Variants in CEP164 observed in about 807,000 individuals in gnomAD.
The protein encoded by CEP164 is centrosomal protein 164.
Under a neutral mutation model 182.7 loss-of-function variants are expected in CEP164, and 162 were observed. That is an observed-to-expected ratio of 0.89 (90% CI 0.78 to 1.01). CEP164 has a LOEUF of 1.01. Ranked by LOEUF, CEP164 falls within the 50% of genes least tolerant of loss-of-function variation. The pLI, the probability that CEP164 is intolerant of heterozygous loss-of-function variation, is 0.00. For missense variants in CEP164, 1,735 were observed against 1,790.4 expected (o/e 0.97, Z 0.56); for synonymous variants, 661 against 690.0 (o/e 0.96, Z 0.66).
intron 1 of CEP164, among the ~76,000 whole-genome samples, chr11:117,330,972 T>C (rs2036111712): frequency 6.6e-6 from 1 of 152,218 alleles, no homozygotes; most frequent in Non-Finnish European, 1.5e-5. Context: ...AAGCTTTTGC[T>C]CATTACCACT....
chr11:117,403,913 C>T (rs1265064437), intron 27 of CEP164, among the ~76,000 whole-genome samples: 1 of 151,846 alleles, frequency 6.6e-6, no homozygotes, highest in African/African-American at 2.4e-5. Context: ...AATCTTCAAT[C>T]TCTGATATCC....
At chr11:117,396,942 C>T in intron 26 of CEP164, 149 bp from the exon 27 acceptor site, 1 of 718,332 alleles carries the variant, frequency 1.4e-6, no homozygotes, top group Non-Finnish European at 2.3e-6. Flanking sequence ...GGGTATTGAA[C>T]AGTGGCATCC....
chr11:117,392,993 C>A lies in CEP164; in HGVS notation c.2494-11C>A. The A allele has an allele frequency of 6.2e-7, 1 of 1,612,632 alleles. No homozygotes were observed. Among genetic ancestry groups the A allele is most frequent in the South Asian group, 1.1e-5 (1 of 90,962 alleles). ...GTTCTTCATGCCACATCCCTGCCAT[C>A]TCCCCTGCAGCTCAGCAGTCTCCTG... On this transcript the variant is annotated splice_polypyrimidine_tract_variant and intron_variant, in intron 19 of 32. Transcript: ENST00000278935.
chr11:117,408,634 T>G, intron 28 of CEP164: 6 of 466,868 alleles, frequency 1.3e-5, no homozygotes, highest in Admixed American at 3.4e-5. Context: ...CCCAGAGGAG[T>G]CTACTCACCA....
intron 5 of CEP164, chr11:117,356,642 T>C (rs1265629874): frequency 1.6e-6 from 2 of 1,264,432 alleles, no homozygotes; most frequent in Admixed American, 2.5e-5. Context: ...GAGCATGGCC[T>C]AAAGGCCTAA....
upstream of CEP164, among the ~76,000 whole-genome samples, chr11:117,327,034 G>A (rs973270233): frequency 1.3e-5 from 2 of 152,238 alleles, no homozygotes; most frequent in Admixed American, 6.5e-5. Flanking sequence ...GTGTGGAGGA[G>A]CTACACATTG....
At position 117,411,042 on chromosome 11, in the gene CEP164, C is replaced by G; in HGVS notation, c.4163+148C>G. The G allele has an allele frequency of 1.4e-6, 1 of 697,414 alleles. No individual in the cohort carries two copies. The highest frequency in any genetic ancestry group is 2.4e-6 in the Non-Finnish European group (1 of 409,432). The allele number at this position is 697,414 out of a possible 1,614,324, so 43.2% of individuals were successfully genotyped here. A position where few individuals can be genotyped will look rare whatever the true frequency, so the allele number is the denominator to read the frequency against. ...GGCCTCTAGTCCACAGAGCTGTCCCCGCTTGCCTGGGTCTGAGGCGCCCCT... is the reference window on the plus strand; with the variant it reads ...GGCCTCTAGTCCACAGAGCTGTCCCGGCTTGCCTGGGTCTGAGGCGCCCCT... On this transcript the variant is annotated intron_variant, in intron 31 of 32. Coordinates refer to ENST00000278935, the MANE Select transcript of CEP164 (RefSeq NM_014956.5). The surrounding 1 kb of genome is among the most constrained non-coding windows in gnomAD (Gnocchi z 4.4).
intron 4 of CEP164, among the ~76,000 whole-genome samples, chr11:117,348,288 T>A (rs1002549996): frequency 6.6e-6 from 1 of 152,118 alleles, no homozygotes; most frequent in Non-Finnish European, 1.5e-5. Flanking sequence ...TATTATCAAT[T>A]AAAAAATTGT....
chr11:117,396,209 G>A, intron 25 of CEP164, 29 bp downstream of exon 25: 3 of 1,588,230 alleles, frequency 1.9e-6, no homozygotes, highest in Non-Finnish European at 2.6e-6. Flanking sequence ...CCTGGGGGCT[G>A]GGGCACCAGG....
rs56699807 is a variant in CEP164 at position 117,395,553 on chromosome 11, A to C, written c.2920A>C (p.Thr974Pro). Residue 974 changes from threonine (T) to proline (P), a missense_variant, in exon 24 of 33, where the codon ACA (threonine) becomes CCA (proline). Coordinates refer to ENST00000278935, the MANE Select transcript of CEP164 (RefSeq NM_014956.5). ...TCTTTCCTTTTGCCCCTAGGAAGCC[A>C]CAGCCACCCATCAGCAGCTGGAGGA... ...RQVALKSEEA[T>P]ATHQQLEEAQ... The C allele has an allele frequency of 1.2e-6, 2 of 1,610,168 alleles. No homozygotes were observed. The highest frequency in any genetic ancestry group is 1.7e-6 in the Non-Finnish European group (2 of 1,178,232).
Position 117,387,432 on chromosome 11 carries a change from G to C in CEP164, c.1934+20G>C, listed in dbSNP as rs781415526. ...TCTCAGGTCCTGCCCTTCCCCTTAG[G>C]CATGCTTCCTGGGGCCTTTCAGGGA... On this transcript the variant is annotated intron_variant, in intron 15 of 32. Coordinates refer to ENST00000278935, the MANE Select transcript of CEP164 (RefSeq NM_014956.5). 1 of 1,611,814 alleles carries C rather than the reference G, an allele frequency of 6.2e-7. No individual in the cohort carries two copies.
chr11:117,374,003 C>G (rs1464385313), intron 10 of CEP164, among the ~76,000 whole-genome samples, 172 bp downstream of exon 10: 5 of 152,078 alleles, frequency 3.3e-5, no homozygotes, highest in Non-Finnish European at 7.4e-5. Context: ...GGTAATACTT[C>G]CTATTTTATA....
chr11:117,411,185 C>T lies in CEP164; in HGVS notation c.4163+291C>T, dbSNP rs2047313068. On this transcript the variant is annotated intron_variant, in intron 31 of 32. Coordinates refer to ENST00000278935, the MANE Select transcript of CEP164 (RefSeq NM_014956.5). This position sits in a 1 kb window ranked among gnomAD's most constrained non-coding sequence, Gnocchi z 4.4. Reference sequence around the variant, plus strand: ...TGGCCCCTGTGGGGAGGAGTCAGCCCCTGGTGGGACCCTGCCCCCGCCCCT... The same window carrying T: ...TGGCCCCTGTGGGGAGGAGTCAGCCTCTGGTGGGACCCTGCCCCCGCCCCT... 1 of 386,160 alleles carries T rather than the reference C, an allele frequency of 2.6e-6. No homozygotes were observed. 23.9% of individuals were successfully genotyped at this position (386,160 alleles called of 1,614,324 possible).
chr11:117,360,456 C>T (rs1029193499), intron 5 of CEP164, among the ~76,000 whole-genome samples: 10 of 152,136 alleles, frequency 6.6e-5, no homozygotes, highest in African/African-American at 2.4e-4. Flanking sequence ...CTGTAGCCTC[C>T]AGCTCCTGGG....
intron 5 of CEP164, 58 bp downstream of exon 5, chr11:117,352,046 G>A (rs1389302285): frequency 2.1e-6 from 3 of 1,451,214 alleles, no homozygotes; most frequent in Non-Finnish European, 2.8e-6. Flanking sequence ...GAGGGATGTT[G>A]GGAACCTCTA....
intron 5 of CEP164, chr11:117,356,419 G>C (rs1394802555): frequency 8.1e-7 from 1 of 1,231,962 alleles, no homozygotes; most frequent in Admixed American, 2.7e-5. Context: ...GAGTCATGGA[G>C]AGGGACTCGA....
chr11:117,331,624 T>G (rs1034082439), intron 1 of CEP164, among the ~76,000 whole-genome samples: 4 of 152,146 alleles, frequency 2.6e-5, no homozygotes, highest in Non-Finnish European at 5.9e-5. Context: ...GTCTTCTGTC[T>G]CCAAAGCTGG....
chr11:117,380,600 C>G lies in CEP164; in HGVS notation c.1318-14C>G. The G allele has an allele frequency of 3.8e-6, 6 of 1,581,348 alleles. No homozygotes were observed. Among genetic ancestry groups the G allele is most frequent in the Non-Finnish European group, 5.2e-6 (6 of 1,162,688 alleles). On this transcript the variant is annotated splice_polypyrimidine_tract_variant and intron_variant, in intron 11 of 32. Transcript: ENST00000278935. ...TCCCTCCAACACAAACTTTTTATTG[C>G]TTCTCTCCTACAGGCCCAGCAACCA... is the stretch of plus-strand genomic sequence containing the variant.
chr11:117,354,025 T>TTC (rs1487970548), intron 5 of CEP164, among the ~76,000 whole-genome samples: 3 of 99,118 alleles, frequency 3.0e-5, no homozygotes, highest in Middle Eastern at 4.7e-3. Context: ...TCTTCTTCTT[T>TTC]TTTTTTTTTG....
Sources: allele counts gnomAD v4.1 joint callset (sites outside exome capture counted in the v4.1 genomes callset), GRCh38; gene constraint gnomAD v4.1.1; non-coding constraint Gnocchi (gnomAD v3.1); transcripts MANE v1.5; gene names NCBI Gene and HGNC (gene_info 2026-07-23, HGNC 2026-07-21).